KLF13: variants seen among roughly 807,000 people sequenced by gnomAD.
KLF13 encodes the protein KLF transcription factor 13.
In KLF13, 8 loss-of-function variants were observed where a neutral mutation model predicts 16.7. The observed-to-expected ratio is 0.48, with a 90% CI of 0.28 to 0.87. The LOEUF is 0.87. KLF13 is among the 40% of genes least tolerant of loss of function. KLF13 has a pLI of 0.10. For synonymous variants in KLF13, 245 were observed against 208.4 expected (o/e 1.18, Z -1.51); for missense variants, 447 against 452.2 (o/e 0.99, Z 0.10).
At chr15:31,331,756 G>A (rs1262219303) in intron 1 of KLF13, among the ~76,000 whole-genome samples, 1 of 152,200 alleles carries the variant, frequency 6.6e-6, no homozygotes, top group Non-Finnish European at 1.5e-5. Context: ...ATGCAGCATG[G>A]GAGGTGCCAG....
At chr15:31,413,203 C>CAAAAA (rs1341640127) in intron 1 of KLF13, among the ~76,000 whole-genome samples, 1 of 130,238 alleles carries the variant, frequency 7.7e-6, no homozygotes, top group Non-Finnish European at 1.6e-5. Context: ...AAAAAAAAAA[C>CAAAAA]AAAAAACAAA....
At chr15:31,340,036 G>T in intron 1 of KLF13, 1 of 702,358 alleles carries the variant, frequency 1.4e-6, no homozygotes, top group South Asian at 1.5e-5. Flanking sequence ...CAGTAGGGCT[G>T]ACCCAGGTTG....
downstream of KLF13, among the ~76,000 whole-genome samples, chr15:31,409,049 C>T (rs1252270579): frequency 6.6e-6 from 1 of 152,132 alleles, no homozygotes; most frequent in Non-Finnish European, 1.5e-5. Context: ...CTTTGGGAGC[C>T]TGAGGTGTGT....
At chr15:31,396,895 C>T (rs2039958341) in intron 2 of KLF13, among the ~76,000 whole-genome samples, 1 of 151,992 alleles carries the variant, frequency 6.6e-6, no homozygotes, top group African/African-American at 2.4e-5. Context: ...AACTATAAAC[C>T]AAGTTTTCTC....
chr15:31,332,131 A>G (rs1188023668), intron 1 of KLF13, among the ~76,000 whole-genome samples: 14 of 152,054 alleles, frequency 9.2e-5, no homozygotes. Context: ...AGGAGCTGGC[A>G]TTTCTGTAGG....
At chr15:31,341,551 T>C (rs1453080240) in intron 1 of KLF13, among the ~76,000 whole-genome samples, 1 of 151,066 alleles carries the variant, frequency 6.6e-6, no homozygotes, top group Non-Finnish European at 1.5e-5. Context: ...TTTTTTTTTT[T>C]TTTGAGGCTG....
chr15:31,364,491 A>G (rs1438285047), intron 1 of KLF13, among the ~76,000 whole-genome samples: 1 of 152,224 alleles, frequency 6.6e-6, no homozygotes, highest in African/African-American at 2.4e-5. Flanking sequence ...GCGGCTCACA[A>G]ACATGCTTCC....
At chr15:31,361,946 C>T (rs1282650339) in intron 1 of KLF13, among the ~76,000 whole-genome samples, 2 of 151,906 alleles carry the variant, frequency 1.3e-5, no homozygotes, top group East Asian at 3.9e-4. Context: ...TCTCTTGGTG[C>T]AAGAGAAAAC....
At chr15:31,383,653 C>T (rs977425082) in intron 1 of KLF13, among the ~76,000 whole-genome samples, 2 of 152,226 alleles carry the variant, frequency 1.3e-5, no homozygotes, top group African/African-American at 4.8e-5. Flanking sequence ...ATAATCCCAG[C>T]ACTTTGGGAG....
intron 1 of KLF13, among the ~76,000 whole-genome samples, chr15:31,425,719 A>C (rs1595515551): frequency 6.6e-6 from 1 of 152,136 alleles, no homozygotes; most frequent in Non-Finnish European, 1.5e-5. Context: ...TCTACTAAAA[A>C]CACAAAAATT....
intron 1 of KLF13, among the ~76,000 whole-genome samples, chr15:31,432,688 G>A (rs995793769): frequency 6.6e-6 from 1 of 151,626 alleles, no homozygotes; most frequent in Non-Finnish European, 1.5e-5. Context: ...GGACTCAAGC[G>A]ATCCTCTTGC....
At chr15:31,371,943 C>T (rs1165029243) in intron 1 of KLF13, 67 bp from the exon 2 acceptor site, 3 of 1,505,102 alleles carry the variant, frequency 2.0e-6, no homozygotes, top group Non-Finnish European at 2.7e-6. Flanking sequence ...GTTGCGGGCC[C>T]TTCCCCAGAG....
chr15:31,336,571 C>T (rs1260871077), intron 1 of KLF13, among the ~76,000 whole-genome samples: 1 of 152,092 alleles, frequency 6.6e-6, no homozygotes, highest in Non-Finnish European at 1.5e-5. Flanking sequence ...TCTAAATGCT[C>T]ACTAAACAAG....
rs1220340930 is a variant in KLF13 at position 31,431,989 on chromosome 15, G to A, written n.118-3381G>A. ...GGAAGGGCACGGGGATGGAGGAGGT[G>A]GGATACAGATGGATGCAAGTGGTGG... is the stretch of plus-strand genomic sequence containing the variant. On this transcript the variant is annotated intron_variant and non_coding_transcript_variant, in intron 1 of 1. Coordinates refer to the KLF13 transcript ENST00000558225. Among the ~76,000 whole-genome samples the A allele has an allele frequency of 2.6e-5, 4 of 151,742 alleles. 1 individual carries two copies. The highest frequency in any genetic ancestry group is 2.1e-4 in the South Asian group (1 of 4,832).
At chr15:31,432,306 C>A in intron 1 of KLF13, among the ~76,000 whole-genome samples, 1 of 152,054 alleles carries the variant, frequency 6.6e-6, no homozygotes, top group East Asian at 1.9e-4. Context: ...CCTCTGCCCT[C>A]CGTAGAAGGT....
At position 31,394,684 on chromosome 15, in the gene KLF13, A is replaced by T. The variant is rs562277573; in HGVS notation, n.529+993A>T. ...GAGATATAATTCACATATATAATTC[A>T]CCCATTTACTGTATGTAATCCATTG... On this transcript the variant is annotated intron_variant and non_coding_transcript_variant, in intron 2 of 2. Coordinates refer to the KLF13 transcript ENST00000500533. Among the ~76,000 whole-genome samples, 135 of 152,232 alleles carry T rather than the reference A, an allele frequency of 8.9e-4. 1 individual carries two copies. The highest frequency in any genetic ancestry group is 2.9e-3 in the African/African-American group (122 of 41,544).
Position 31,376,977 on chromosome 15 carries a change from G to A in KLF13, c.*4678G>A, listed in dbSNP as rs1156832443. On this transcript the variant is annotated 3_prime_UTR_variant, in exon 2 of 2. Transcript: ENST00000307145. ...ACACATTCCGGGGAGGGGGGTGGGG[G>A]GTGGAGGCAGGAAGTCATGGGGGTG... 1 of 146,424 alleles carries A rather than the reference G, an allele frequency of 6.8e-6. No homozygotes were observed. Among genetic ancestry groups the A allele is most frequent in the African/African-American group, 2.5e-5 (1 of 40,182 alleles). The allele number at this position is 146,424 out of a possible 1,614,324, so 9.1% of individuals were successfully genotyped here. A position where few individuals can be genotyped will look rare whatever the true frequency, so the allele number is the denominator to read the frequency against.
intron 1 of KLF13, among the ~76,000 whole-genome samples, chr15:31,360,057 T>C (rs76306547): frequency 0.03 from 4,584 of 152,264 alleles, 238 homozygotes; most frequent in African/African-American, 0.11. Context: ...TGGAGTCCCG[T>C]ACAGAGCTGT....
At chr15:31,398,850 G>A (rs753636) in intron 2 of KLF13, among the ~76,000 whole-genome samples, 21,632 of 152,166 alleles carry the variant, frequency 0.14, 3,613 homozygotes, top group African/African-American at 0.4. Context: ...CCAAGAAGCC[G>A]TGGGCAAGCC....
Sources: gnomAD v4.1 joint callset for allele counts (sites outside exome capture counted in the v4.1 genomes callset) on GRCh38, gnomAD v4.1.1 for gene constraint, MANE v1.5 for transcripts, NCBI Gene and HGNC (gene_info 2026-07-23, HGNC 2026-07-21) for gene names.